Variants in PTPRG observed in about 807,000 individuals in gnomAD.
PTPRG encodes protein tyrosine phosphatase receptor type G.
In PTPRG, 102 loss-of-function variants were observed where a neutral mutation model predicts 165.3. That is an observed-to-expected ratio of 0.62 (90% CI 0.53 to 0.73). The LOEUF is 0.73. PTPRG is among the 30% of genes least tolerant of loss of function. PTPRG has a pLI of 0.00. For missense variants in PTPRG, 1,866 were observed against 1,861.4 expected (o/e 1.00, Z -0.05); for synonymous variants, 675 against 669.5 (o/e 1.01, Z -0.13).
At chr3:62,063,779 A>G (rs349177) in intron 4 of PTPRG, among the ~76,000 whole-genome samples, 7,321 of 152,180 alleles carry the variant, frequency 0.048, 581 homozygotes, top group African/African-American at 0.17. Context: ...CTGGGATTCT[A>G]GGTGTGAGTC....
At chr3:62,138,112 C>T (rs1313370603) in intron 6 of PTPRG, among the ~76,000 whole-genome samples, 1 of 152,168 alleles carries the variant, frequency 6.6e-6, no homozygotes, top group African/African-American at 2.4e-5. Context: ...GGGCCAAATG[C>T]ATTGTTGATG....
rs113446848 is a variant in PTPRG, at chr3:62,139,963, C to T, written c.682+7295C>T. Among the ~76,000 whole-genome samples the T allele has an allele frequency of 5.6e-3, 846 of 152,336 alleles. 9 individuals are homozygous for T. The highest frequency in any genetic ancestry group is 0.019 in the African/African-American group (810 of 41,582). ...GTGGAGAAAGCTATCTGAGAAACTC[C>T]ACATCATTCATCTTTCCGTATTCCA... On this transcript the variant is annotated intron_variant, in intron 6 of 29. Transcript: ENST00000474889.
chr3:61,590,701 G>A (rs552160278), intron 1 of PTPRG, among the ~76,000 whole-genome samples: 1 of 152,176 alleles, frequency 6.6e-6, no homozygotes, highest in South Asian at 2.1e-4. Flanking sequence ...ATAATATGCT[G>A]TATTTATCAT....
chr3:61,782,118 T>C (rs553158048), intron 2 of PTPRG, among the ~76,000 whole-genome samples: 2 of 152,322 alleles, frequency 1.3e-5, no homozygotes, highest in East Asian at 3.9e-4. Context: ...TGGGTTGTTA[T>C]TTTGTGCAGC....
At chr3:61,822,844 T>C (rs750222847) in intron 2 of PTPRG, among the ~76,000 whole-genome samples, 20 of 152,164 alleles carry the variant, frequency 1.3e-4, no homozygotes, top group Non-Finnish European at 2.5e-4. Context: ...TCTCTAACAG[T>C]CCTCATACCT....
chr3:61,703,492 A>G (rs1157599753), intron 1 of PTPRG, among the ~76,000 whole-genome samples: 1 of 152,190 alleles, frequency 6.6e-6, no homozygotes, highest in Admixed American at 6.5e-5. Context: ...TTTGGAAACC[A>G]AAAATGGTAT....
chr3:61,576,953 T>G (rs1253782809), intron 1 of PTPRG, among the ~76,000 whole-genome samples: 3 of 152,182 alleles, frequency 2.0e-5, no homozygotes, highest in Non-Finnish European at 4.4e-5. Context: ...GTAGGAGTGT[T>G]TATATTCCGA....
intron 28 of PTPRG, among the ~76,000 whole-genome samples, chr3:62,286,461 G>C (rs1702664549): frequency 6.6e-6 from 1 of 151,900 alleles, no homozygotes; most frequent in Non-Finnish European, 1.5e-5. Flanking sequence ...ACAATAATAA[G>C]TAAATATATG....
chr3:62,269,909 T>C (rs1702005253), intron 20 of PTPRG, among the ~76,000 whole-genome samples: 1 of 152,122 alleles, frequency 6.6e-6, no homozygotes, highest in Admixed American at 6.6e-5. Context: ...TGTCTTTTCC[T>C]ATACATACAT....
intron 4 of PTPRG, among the ~76,000 whole-genome samples, chr3:62,061,647 T>A (rs1336329425): frequency 3.8e-5 from 5 of 132,652 alleles, no homozygotes; most frequent in African/African-American, 1.4e-4. Context: ...TTTTTTTTTT[T>A]AGATGGAGTC....
At chr3:61,773,212 G>A (rs2034265379) in intron 2 of PTPRG, among the ~76,000 whole-genome samples, 1 of 152,094 alleles carries the variant, frequency 6.6e-6, no homozygotes, top group Admixed American at 6.5e-5. Context: ...ATGCAGTCAG[G>A]TGGAAATTGT....
At chr3:62,239,858 TTCCCTG>T (rs372030944) in intron 14 of PTPRG, among the ~76,000 whole-genome samples, 2 of 152,286 alleles carry the variant, frequency 1.3e-5, no homozygotes, top group African/African-American at 4.8e-5. Context: ...CTCGTGGAAA[TTCCCTG>T]AAATGAGCAA....
intron 2 of PTPRG, among the ~76,000 whole-genome samples, chr3:61,793,924 G>A (rs2034968250): frequency 6.6e-6 from 1 of 152,154 alleles, no homozygotes; most frequent in South Asian, 2.1e-4. Context: ...ATTAGAACTA[G>A]CCTGAAGTTC....
intron 5 of PTPRG, among the ~76,000 whole-genome samples, chr3:62,119,883 C>T (rs1463590919): frequency 6.6e-6 from 1 of 150,698 alleles, no homozygotes; most frequent in Non-Finnish European, 1.5e-5. Context: ...ATCTGCCCAC[C>T]TTGGGCTCCC....
At position 62,203,614 on chromosome 3, in the gene PTPRG, G is replaced by C; in HGVS notation, c.1819G>C (p.Glu607Gln). The part of the protein sequence containing the change: ...EDGEKDSEKK[E>Q]KSGVTHAAEE... The stretch of plus-strand genomic sequence containing the variant: ...TGGAGAGAAGGACTCCGAAAAGAAG[G>C]AGAAGAGTGGGGTGACCCACGCTGC... Residue 607 changes from glutamate (E) to glutamine (Q), a missense_variant, in exon 12 of 30, where the codon GAG (glutamate) becomes CAG (glutamine). This residue lies in a region of PTPRG where 1,452 missense variants were observed against 1,463.0 expected (regional missense o/e 0.99). Coordinates refer to ENST00000474889, the MANE Select transcript of PTPRG (RefSeq NM_002841.4). The surrounding 1 kb of genome is among the most constrained non-coding windows in gnomAD (Gnocchi z 6.4). The C allele has an allele frequency of 2.6e-6, 4 of 1,553,700 alleles. No homozygotes were observed. Among genetic ancestry groups the C allele is most frequent in the Non-Finnish European group, 3.5e-6 (4 of 1,147,968 alleles).
chr3:61,596,515 G>C (rs1700704450), intron 1 of PTPRG, among the ~76,000 whole-genome samples: 1 of 152,168 alleles, frequency 6.6e-6, no homozygotes, highest in Non-Finnish European at 1.5e-5. Context: ...AACTGGGGCA[G>C]TGTAGGGCAA....
rs906604729 is a variant in PTPRG at position 62,271,356 on chromosome 3, A to G, written c.3010-27A>G. The stretch of plus-strand genomic sequence containing the variant: ...CCAGAATGTCCACCCCCCCGCTTAA[A>G]GACATCTTTTTTCACTTTTCTCACA... On this transcript the variant is annotated intron_variant, in intron 20 of 29. Coordinates refer to ENST00000474889, the MANE Select transcript of PTPRG (RefSeq NM_002841.4). The surrounding 1 kb of genome is among the most constrained non-coding windows in gnomAD (Gnocchi z 4.1). 17 of 1,565,240 alleles carry G rather than the reference A, an allele frequency of 1.1e-5. No individual in the cohort carries two copies. The highest frequency in any genetic ancestry group is 1.5e-5 in the Non-Finnish European group (17 of 1,151,748).
chr3:62,149,286 T>TTC (rs397965287), intron 6 of PTPRG, among the ~76,000 whole-genome samples: 25 of 148,226 alleles, frequency 1.7e-4, no homozygotes, highest in Middle Eastern at 3.5e-3. Context: ...TTTTTTTTTT[T>TTC]CCCTCAAGGC....
chr3:61,941,735 G>C (rs2039634869), intron 2 of PTPRG, among the ~76,000 whole-genome samples: 1 of 151,816 alleles, frequency 6.6e-6, no homozygotes, highest in Non-Finnish European at 1.5e-5. Flanking sequence ...CCCTTTTTTT[G>C]GTCTTTAAAA....
Sources: allele counts gnomAD v4.1 joint callset (sites outside exome capture counted in the v4.1 genomes callset), GRCh38; gene constraint gnomAD v4.1.1; regional missense constraint gnomAD v4.1.1; non-coding constraint Gnocchi (gnomAD v3.1); transcripts MANE v1.5; gene names NCBI Gene and HGNC (gene_info 2026-07-23, HGNC 2026-07-21).